Variants in SCAPER observed in about 807,000 individuals in gnomAD.
SCAPER encodes S phase cyclin A-associated protein in the endoplasmic reticulum.
In SCAPER, 98 loss-of-function variants were observed where a neutral mutation model predicts 182.2. The observed-to-expected ratio is 0.54, with a 90% CI of 0.46 to 0.64. The LOEUF (loss-of-function observed/expected upper bound fraction) is 0.64. Ranked by LOEUF, SCAPER falls within the 30% of genes least tolerant of loss-of-function variation. SCAPER has a pLI of 0.00. For missense variants in SCAPER, 1,432 were observed against 1,690.0 expected, an observed-to-expected ratio of 0.85 and a Z score of 2.68; for synonymous variants, 605 against 564.6, an observed-to-expected ratio of 1.07 and a Z score of -1.01.
At chr15:76,516,446 G>A (rs112123130) in intron 23 of SCAPER, among the ~76,000 whole-genome samples, 4,856 of 136,682 alleles carry the variant, frequency 0.036, 113 homozygotes, top group Non-Finnish European at 0.05. Context: ...TCCCACTTAT[G>A]AGTGAAAACA....
intron 25 of SCAPER, among the ~76,000 whole-genome samples, chr15:76,453,353 T>C (rs2048506678): frequency 6.6e-6 from 1 of 152,186 alleles, no homozygotes; most frequent in Non-Finnish European, 1.5e-5. Context: ...AAGGATCTGG[T>C]TCAGAATTGT....
intron 9 of SCAPER, among the ~76,000 whole-genome samples, chr15:76,772,874 A>G (rs2063545849): frequency 6.6e-6 from 1 of 151,884 alleles, no homozygotes; most frequent in African/African-American, 2.4e-5. Flanking sequence ...TCTTAAATAA[A>G]CATTAGATAA....
Position 76,717,409 on chromosome 15 carries a change from T to C in SCAPER, c.2165+11186A>G, listed in dbSNP as rs571331062. Among the ~76,000 whole-genome samples, 20 of 152,268 alleles carry C rather than the reference T, an allele frequency of 1.3e-4. No homozygotes were observed. The South Asian group carries it at 3.9e-3, about 30-fold the overall frequency. On this transcript the variant is annotated intron_variant, in intron 17 of 31. Transcript: ENST00000563290. ...ACTTCGAAACTGTAAGTGTGGTATG[T>C]AAACCACACGTATCTCTATTATGAA... is the stretch of plus-strand genomic sequence containing the variant.
In SCAPER at chr15:76,570,925, A is replaced by G. The variant is rs538473526; in HGVS notation, c.2838+3233T>C. Among the ~76,000 whole-genome samples, 5 of 152,196 alleles carry G rather than the reference A, an allele frequency of 3.3e-5. No homozygotes were observed. The East Asian group carries it at 5.8e-4, about 18-fold the overall frequency. On this transcript the variant is annotated intron_variant, in intron 23 of 31. Coordinates refer to ENST00000563290, the MANE Select transcript of SCAPER (RefSeq NM_020843.4). The stretch of plus-strand genomic sequence containing the variant: ...CTATGCCAGGGGTTGGACTATGGGT[A>G]TAAATTCTGCATTGTGCCAAGGTGC...
At chr15:76,417,253 T>C (rs2045717864) in intron 26 of SCAPER, among the ~76,000 whole-genome samples, 1 of 152,160 alleles carries the variant, frequency 6.6e-6, no homozygotes. Context: ...TGTACTCTTC[T>C]GTGTTTTCCA....
chr15:76,671,870 GTA>G (rs1235982660), intron 20 of SCAPER, among the ~76,000 whole-genome samples: 1 of 152,018 alleles, frequency 6.6e-6, no homozygotes, highest in Admixed American at 6.6e-5. Context: ...TGAATAATGA[GTA>G]TCAGAACATA....
intron 24 of SCAPER, among the ~76,000 whole-genome samples, chr15:76,485,983 A>G (rs2051603395): frequency 6.6e-6 from 1 of 152,138 alleles, no homozygotes; most frequent in African/African-American, 2.4e-5. Context: ...CGAGGTGGGC[A>G]GATCACGAAG....
chr15:76,388,818 G>A (rs1433663034), intron 27 of SCAPER, among the ~76,000 whole-genome samples: 1 of 151,362 alleles, frequency 6.6e-6, no homozygotes, highest in Non-Finnish European at 1.5e-5. Flanking sequence ...AAAATTAGCT[G>A]GGTGTGGTGG....
At chr15:76,652,371 C>CACACACACACATATATAT (rs764864981) in intron 21 of SCAPER, among the ~76,000 whole-genome samples, 2 of 8,066 alleles carry the variant, frequency 2.5e-4, no homozygotes, top group South Asian at 7.7e-3. Flanking sequence ...CACACACACA[C>CACACACACACATATATAT]ATATATATAT....
intron 24 of SCAPER, among the ~76,000 whole-genome samples, chr15:76,497,633 G>T (rs959554149): frequency 1.3e-5 from 2 of 151,976 alleles, no homozygotes; most frequent in African/African-American, 4.8e-5. Flanking sequence ...AAGACACAAA[G>T]GCAAAGACTT....
chr15:76,413,127 T>C (rs28842532), intron 26 of SCAPER, among the ~76,000 whole-genome samples: 3,219 of 152,296 alleles, frequency 0.021, 102 homozygotes, highest in African/African-American at 0.066. Context: ...TAATCATTTT[T>C]TTCTTGGTAG....
chr15:76,722,284 A>T (rs1727534626), intron 17 of SCAPER, among the ~76,000 whole-genome samples: 1 of 152,254 alleles, frequency 6.6e-6, no homozygotes, highest in South Asian at 2.1e-4. Context: ...AGCCCACTTG[A>T]TCATGGTGGA....
intron 10 of SCAPER, among the ~76,000 whole-genome samples, chr15:76,770,266 A>G (rs1202771201): frequency 6.6e-6 from 1 of 152,044 alleles, no homozygotes; most frequent in African/African-American, 2.4e-5. Flanking sequence ...TGACGAGTTG[A>G]TGGGTGCAGC....
chr15:76,836,876 T>C (rs1476004234), intron 5 of SCAPER, among the ~76,000 whole-genome samples: 2 of 151,588 alleles, frequency 1.3e-5, no homozygotes, highest in African/African-American at 4.9e-5. Context: ...TCCATCTCAA[T>C]GAAAAAGAAA....
At chr15:76,848,400 T>A (rs2070360394) in intron 4 of SCAPER, among the ~76,000 whole-genome samples, 1 of 146,962 alleles carries the variant, frequency 6.8e-6, no homozygotes, top group African/African-American at 2.5e-5. Context: ...GCAATCTCGG[T>A]TCGGTTCACT....
At chr15:76,697,517 C>G (rs993267377) in intron 20 of SCAPER, among the ~76,000 whole-genome samples, 1 of 152,178 alleles carries the variant, frequency 6.6e-6, no homozygotes, top group Non-Finnish European at 1.5e-5. Context: ...AACCTTTTCT[C>G]ACTGAAATAA....
chr15:76,434,141 T>C lies in SCAPER; in HGVS notation c.3248A>G (p.Gln1083Arg). 1 of 1,614,040 alleles carries C rather than the reference T, an allele frequency of 6.2e-7. No individual in the cohort carries two copies. Among genetic ancestry groups the C allele is most frequent in the South Asian group, 1.1e-5 (1 of 91,090 alleles). ...CQPATPKIPT[Q>R]EMKNKPSQGD... is the part of the protein sequence containing the mutation. Reference sequence around the variant, plus strand: ...TTGTGAGGGTTTGTTTTTCATTTCCTGTGTTGGTATTTTTGGGGTAGCTGG... The same window carrying C: ...TTGTGAGGGTTTGTTTTTCATTTCCCGTGTTGGTATTTTTGGGGTAGCTGG... Residue 1083 changes from glutamine to arginine, a missense_variant, in exon 26 of 32, where the codon CAG (glutamine) becomes CGG (arginine). Gln to Arg is a conservative substitution (Grantham distance 43). This residue lies in a region of SCAPER where 718 missense variants were observed against 799.7 expected (regional missense o/e 0.90). Coordinates refer to ENST00000563290, the MANE Select transcript of SCAPER (RefSeq NM_020843.4).
At chr15:76,880,440 G>C (rs1420679138) in intron 2 of SCAPER, among the ~76,000 whole-genome samples, 2 of 152,096 alleles carry the variant, frequency 1.3e-5, no homozygotes, top group African/African-American at 2.4e-5. Flanking sequence ...TAGGCTTATG[G>C]GAAATGTACT....
chr15:76,840,568 T>C (rs11072631), intron 5 of SCAPER, among the ~76,000 whole-genome samples: 40,383 of 152,136 alleles, frequency 0.27, 6,283 homozygotes, highest in East Asian at 0.55. Flanking sequence ...AAAACCTATT[T>C]TGACTGTTTC....
Sources: allele counts gnomAD v4.1 joint callset (sites outside exome capture counted in the v4.1 genomes callset), GRCh38; gene constraint gnomAD v4.1.1; regional missense constraint gnomAD v4.1.1; transcripts MANE v1.5; gene names NCBI Gene and HGNC (gene_info 2026-07-23, HGNC 2026-07-21).